Variants in RERE observed in about 807,000 individuals in gnomAD.
The protein encoded by RERE is arginine-glutamic acid dipeptide repeats.
In RERE, 40 loss-of-function variants were observed where a neutral mutation model predicts 146.1. The ratio of observed to expected loss-of-function variants is 0.27; its 90% CI spans 0.21 to 0.36. The LOEUF is 0.36. RERE is among the 10% of genes least tolerant of loss of function. The pLI, the probability that RERE is intolerant of heterozygous loss-of-function variation, is 1.00. For missense variants in RERE, 1,933 were observed against 2,138.7 expected (o/e 0.90, Z 1.90); for synonymous variants, 1,003 against 866.0 (o/e 1.16, Z -2.78).
In RERE at chr1:8,358,932, A is replaced by C. The variant is rs778057511; in HGVS notation, c.3619-16T>G. The C allele has an allele frequency of 2.0e-5, 30 of 1,509,932 alleles. No homozygotes were observed. In the East Asian group the frequency reaches 2.5e-4, roughly 13 times the overall value. The allele number at this position is 1,509,932 out of a possible 1,614,324, so 93.5% of individuals were successfully genotyped here. On this transcript the variant is annotated splice_polypyrimidine_tract_variant and intron_variant, in intron 19 of 22. Coordinates refer to ENST00000400908, the MANE Select transcript of RERE (RefSeq NM_001042681.2). ...TGGACGCCTTCTGCAGAAGGAAAAG[A>C]AAGCGTGAGGGGTCCCCCGAGCGCC...
chr1:8,758,446 C>T (rs1213234600), intron 1 of RERE, among the ~76,000 whole-genome samples: 1 of 150,290 alleles, frequency 6.7e-6, no homozygotes, highest in Non-Finnish European at 1.5e-5. Flanking sequence ...AGCTGGAGTG[C>T]AGCGGCACAA....
At chr1:8,618,052 G>A (rs1415011277) in intron 3 of RERE, among the ~76,000 whole-genome samples, 20 of 152,128 alleles carry the variant, frequency 1.3e-4, no homozygotes. Context: ...CTTATCCAGT[G>A]AATTTATTCC....
intron 2 of RERE, 52 bp downstream of exon 2, chr1:8,655,921 G>T (rs1254563294): frequency 6.3e-7 from 1 of 1,579,488 alleles, no homozygotes; most frequent in Non-Finnish European, 8.6e-7. Context: ...ATAATGCCAA[G>T]ATCATTCCCC....
intron 12 of RERE, among the ~76,000 whole-genome samples, chr1:8,422,000 T>C (rs968860119): frequency 3.3e-5 from 5 of 152,144 alleles, no homozygotes; most frequent in African/African-American, 1.2e-4. Context: ...GGGAAGGAGA[T>C]GAGGAGGGAG....
chr1:8,611,764 T>C (rs1237888834), intron 4 of RERE, among the ~76,000 whole-genome samples: 1 of 152,208 alleles, frequency 6.6e-6, no homozygotes, highest in East Asian at 1.9e-4. Flanking sequence ...TGTGCACGTA[T>C]GTCCCCTTGA....
intron 8 of RERE, among the ~76,000 whole-genome samples, chr1:8,507,419 A>AT (rs1645266300): frequency 6.6e-6 from 1 of 152,138 alleles, no homozygotes; most frequent in African/African-American, 2.4e-5. Flanking sequence ...GAAGTTGTTT[A>AT]TTTTTTTGCA....
At chr1:8,811,987 C>A (rs983662216) in intron 1 of RERE, among the ~76,000 whole-genome samples, 3 of 152,142 alleles carry the variant, frequency 2.0e-5, no homozygotes, top group Admixed American at 2.0e-4. Flanking sequence ...TGACAGTATT[C>A]CAGTATGTAT....
At chr1:8,468,900 TAA>T (rs528265802) in intron 10 of RERE, among the ~76,000 whole-genome samples, 1 of 125,624 alleles carries the variant, frequency 8.0e-6, no homozygotes. Flanking sequence ...CTGCCTCCAA[TAA>T]AAAAAAAAAG....
chr1:8,447,953 C>T (rs997785077), intron 11 of RERE, among the ~76,000 whole-genome samples: 3 of 152,104 alleles, frequency 2.0e-5, no homozygotes, highest in Admixed American at 6.5e-5. Flanking sequence ...CTCCACTCAC[C>T]ACTGCTGCGG....
At chr1:8,426,551 C>A (rs1274128652) in intron 11 of RERE, among the ~76,000 whole-genome samples, 1 of 152,116 alleles carries the variant, frequency 6.6e-6, no homozygotes, top group East Asian at 1.9e-4. Context: ...AATAACTAGG[C>A]TATTAACCAT....
chr1:8,371,038 T>C (rs1351895149), intron 12 of RERE, among the ~76,000 whole-genome samples: 1 of 152,210 alleles, frequency 6.6e-6, no homozygotes, highest in Non-Finnish European at 1.5e-5. Context: ...CAACATATCT[T>C]ATGTCTCGGT....
chr1:8,681,013 G>A (rs750719433), intron 1 of RERE, among the ~76,000 whole-genome samples: 1 of 152,220 alleles, frequency 6.6e-6, no homozygotes, highest in Non-Finnish European at 1.5e-5. Context: ...AACCACCTGA[G>A]TGGAGAGCCG....
chr1:8,399,789 T>G (rs940136009), intron 12 of RERE, among the ~76,000 whole-genome samples: 7 of 152,008 alleles, frequency 4.6e-5, no homozygotes, highest in Non-Finnish European at 8.8e-5. Flanking sequence ...CTTTTAATAT[T>G]TTATTATGTC....
At chr1:8,690,423 G>A (rs1448981264) in intron 1 of RERE, among the ~76,000 whole-genome samples, 5 of 152,152 alleles carry the variant, frequency 3.3e-5, no homozygotes, top group Admixed American at 3.3e-4. Flanking sequence ...CTTGAACATA[G>A]GAATTTTGAG....
chr1:8,624,788 C>G (rs919138313), intron 2 of RERE, among the ~76,000 whole-genome samples: 2 of 152,130 alleles, frequency 1.3e-5, no homozygotes, highest in Non-Finnish European at 2.9e-5. Context: ...ACGGCTTTGC[C>G]ACGTGCTACT....
chr1:8,800,595 A>G (rs546630907), intron 1 of RERE, among the ~76,000 whole-genome samples: 2 of 152,280 alleles, frequency 1.3e-5, no homozygotes, highest in East Asian at 3.9e-4. Flanking sequence ...ACTTGAGCCC[A>G]AGAGTTAAGA....
intron 1 of RERE, among the ~76,000 whole-genome samples, chr1:8,686,521 G>A (rs940190723): frequency 9.9e-5 from 15 of 152,096 alleles, no homozygotes; most frequent in African/African-American, 3.4e-4. Context: ...AGGCCAAGGC[G>A]GGTGGATCAC....
intron 1 of RERE, among the ~76,000 whole-genome samples, chr1:8,659,264 G>C (rs1638401164): frequency 6.6e-6 from 1 of 152,166 alleles, no homozygotes; most frequent in South Asian, 2.1e-4. Context: ...ATGAAAGAAA[G>C]AAAACTATCA....
At chr1:8,575,562 T>TATATATATATA (rs1491346958) in intron 4 of RERE, among the ~76,000 whole-genome samples, 3 of 35,436 alleles carry the variant, frequency 8.5e-5, no homozygotes, top group African/African-American at 3.6e-4. Flanking sequence ...TATATATATA[T>TATATATATATA]TTTTTTTTTT....
Sources: gnomAD v4.1 joint callset for allele counts (sites outside exome capture counted in the v4.1 genomes callset) on GRCh38, gnomAD v4.1.1 for gene constraint, MANE v1.5 for transcripts, NCBI Gene and HGNC (gene_info 2026-07-23, HGNC 2026-07-21) for gene names.